Variants in TRHDE observed in about 807,000 individuals in gnomAD.
TRHDE encodes the protein thyrotropin releasing hormone degrading enzyme, also known as thyrotropin-releasing hormone-degrading ectoenzyme.
In TRHDE, 72 loss-of-function variants were observed where a neutral mutation model predicts 125.7. The ratio of observed to expected loss-of-function variants is 0.57; its 90% confidence interval spans 0.47 to 0.70. The LOEUF (loss-of-function observed/expected upper bound fraction) is 0.70. Ranked by LOEUF, TRHDE falls within the 30% of genes least tolerant of loss-of-function variation. The probability of loss-of-function intolerance (pLI) is 0.00; values close to 1 mark genes in which losing one functional copy is unlikely to be tolerated. For synonymous variants in TRHDE, 509 were observed against 509.1 expected (o/e 1.00, Z 0.00); for missense variants, 1,110 against 1,327.1 (o/e 0.84, Z 2.54).
At chr12:72,104,248 C>T (rs1266529094) in intron 1 of TRHDE, among the ~76,000 whole-genome samples, 1 of 152,110 alleles carries the variant, frequency 6.6e-6, no homozygotes, top group Non-Finnish European at 1.5e-5. Flanking sequence ...TTATTAAACG[C>T]CTTAAAAATG....
chr12:72,242,864 A>G (rs1266071225), intron 2 of TRHDE, among the ~76,000 whole-genome samples: 1 of 152,180 alleles, frequency 6.6e-6, no homozygotes, highest in African/African-American at 2.4e-5. Context: ...TCCTTAACCA[A>G]AATCGTAACA....
At chr12:72,221,175 T>C (rs1877991660) in intron 2 of TRHDE, among the ~76,000 whole-genome samples, 1 of 152,098 alleles carries the variant, frequency 6.6e-6, no homozygotes, top group African/African-American at 2.4e-5. Flanking sequence ...GACAATACTT[T>C]TGCAATATGC....
intron 12 of TRHDE, 42 bp downstream of exon 12, chr12:72,575,584 G>A (rs1371951107): frequency 1.3e-6 from 2 of 1,574,408 alleles, no homozygotes; most frequent in Non-Finnish European, 1.7e-6. Flanking sequence ...ACTTGTGCCT[G>A]CAAGACTTCC....
intron 5 of TRHDE, among the ~76,000 whole-genome samples, chr12:72,481,657 G>T (rs886354757): frequency 1.3e-5 from 2 of 149,928 alleles, no homozygotes; most frequent in Non-Finnish European, 3.0e-5. Context: ...TAATTCAAAA[G>T]ATATTTTTGC....
intron 1 of TRHDE, among the ~76,000 whole-genome samples, chr12:72,088,772 T>C: frequency 6.6e-6 from 1 of 152,128 alleles, no homozygotes; most frequent in East Asian, 1.9e-4. Flanking sequence ...GCTCAGACTT[T>C]GATCTGCTTC....
intron 5 of TRHDE, among the ~76,000 whole-genome samples, chr12:72,480,321 C>T (rs1475948050): frequency 2.0e-5 from 3 of 151,310 alleles, no homozygotes; most frequent in Non-Finnish European, 4.4e-5. Flanking sequence ...CTCTCCAGCA[C>T]CTGTTGTTTC....
At chr12:72,363,645 C>G (rs1337761538) in intron 2 of TRHDE, among the ~76,000 whole-genome samples, 1 of 152,172 alleles carries the variant, frequency 6.6e-6, no homozygotes, top group African/African-American at 2.4e-5. Context: ...CTATCTATGA[C>G]AAACCCACAG....
chr12:72,234,217 C>G (rs1878299668), intron 2 of TRHDE, among the ~76,000 whole-genome samples: 1 of 151,936 alleles, frequency 6.6e-6, no homozygotes, highest in Non-Finnish European at 1.5e-5. Flanking sequence ...TCGAGTATAG[C>G]CTTGTAATTT....
chr12:72,120,437 CA>C (rs1178180680), intron 2 of TRHDE, among the ~76,000 whole-genome samples: 20 of 152,030 alleles, frequency 1.3e-4, no homozygotes, highest in African/African-American at 4.8e-4. Flanking sequence ...TTAATTTGAT[CA>C]CCTTCCTTTA....
chr12:72,198,756 G>A (rs1451545589), intron 2 of TRHDE, among the ~76,000 whole-genome samples: 1 of 152,142 alleles, frequency 6.6e-6, no homozygotes, highest in Non-Finnish European at 1.5e-5. Flanking sequence ...TTCTGTCAAG[G>A]TGAGTGTATT....
At chr12:72,148,108 A>G (rs1401058216) in intron 2 of TRHDE, among the ~76,000 whole-genome samples, 1 of 152,236 alleles carries the variant, frequency 6.6e-6, no homozygotes, top group African/African-American at 2.4e-5. Flanking sequence ...TTTAGATGTG[A>G]CAAAAAGATC....
rs1281309959 is a variant in TRHDE at position 72,670,484 on chromosome 12, A to T, written c.*7289A>T. 5 of 151,768 alleles carry T rather than the reference A, an allele frequency of 3.3e-5. No homozygotes were observed. Among genetic ancestry groups the T allele is most frequent in the African/African-American group, 1.2e-4 (5 of 41,394 alleles). 9.4% of individuals were successfully genotyped at this position (151,768 alleles called of 1,614,324 possible). On this transcript the variant is annotated 3_prime_UTR_variant, in exon 19 of 19. Coordinates refer to ENST00000261180, the MANE Select transcript of TRHDE (RefSeq NM_013381.3). ...AGCAATGTGTAATGTGTCACAATTT[A>T]AAAAGTTTTAATTTTCTGACATGCA...
At chr12:72,249,515 C>T (rs748090535) in intron 2 of TRHDE, among the ~76,000 whole-genome samples, 2 of 151,968 alleles carry the variant, frequency 1.3e-5, no homozygotes, top group Admixed American at 6.6e-5. Flanking sequence ...AGTGAGAACT[C>T]TCAAAAAATA....
intron 2 of TRHDE, among the ~76,000 whole-genome samples, chr12:72,232,376 C>G (rs1878264327): frequency 6.6e-6 from 1 of 152,114 alleles, no homozygotes; most frequent in South Asian, 2.1e-4. Context: ...CAGAGGAATG[C>G]TGCCTCCAGG....
chr12:72,238,314 A>C (rs1459412062), intron 2 of TRHDE, among the ~76,000 whole-genome samples: 2 of 33,752 alleles, frequency 5.9e-5, no homozygotes, highest in Non-Finnish European at 1.3e-4. Flanking sequence ...ATATATATAT[A>C]TATATATACA....
intron 15 of TRHDE, among the ~76,000 whole-genome samples, chr12:72,639,217 T>G (rs565667063): frequency 2.0e-5 from 3 of 152,124 alleles, no homozygotes; most frequent in East Asian, 3.9e-4. Flanking sequence ...TTTATTCTTT[T>G]TTCTCTAAAC....
At chr12:72,502,193 C>T (rs1250006252) in intron 6 of TRHDE, among the ~76,000 whole-genome samples, 1 of 151,746 alleles carries the variant, frequency 6.6e-6, no homozygotes, top group Admixed American at 6.6e-5. Flanking sequence ...CTTTTTCTAC[C>T]TACTTTGAAT....
intron 12 of TRHDE, among the ~76,000 whole-genome samples, chr12:72,603,435 G>T (rs551743805): frequency 6.6e-6 from 1 of 152,012 alleles, no homozygotes. Context: ...TAATAACAAT[G>T]TAAGTGTGGG....
intron 2 of TRHDE, among the ~76,000 whole-genome samples, chr12:72,151,964 T>C (rs1006319647): frequency 1.3e-5 from 2 of 151,736 alleles, no homozygotes; most frequent in Non-Finnish European, 2.9e-5. Flanking sequence ...GGGATGGCAT[T>C]GAATCTGTAA....
Sources: gnomAD v4.1 joint callset for allele counts (sites outside exome capture counted in the v4.1 genomes callset) on GRCh38, gnomAD v4.1.1 for gene constraint, MANE v1.5 for transcripts, NCBI Gene and HGNC (gene_info 2026-07-23, HGNC 2026-07-21) for gene names.